Variants in XYLT1 observed in about 807,000 individuals in gnomAD.
XYLT1 encodes the protein xylosyltransferase 1, also known as beta-D-xylosyltransferase 1.
XYLT1 carries 36 observed loss-of-function variants against 91.3 expected under a neutral mutation model. The observed-to-expected ratio is 0.39, with a 90% CI of 0.30 to 0.52. XYLT1 has a LOEUF of 0.52. Among genes scored for constraint, XYLT1 ranks in the 20% least tolerant of loss-of-function variants. XYLT1 has a pLI of 0.68. For synonymous variants in XYLT1, 588 were observed against 532.0 expected, an observed-to-expected ratio of 1.11 and a Z score of -1.45; for missense variants, 1,242 against 1,284.5, an observed-to-expected ratio of 0.97 and a Z score of 0.51.
Position 17,127,823 on chromosome 16 carries a change from T to C in XYLT1, c.2066A>G (p.Tyr689Cys), listed in dbSNP as rs771920618. The C allele has an allele frequency of 3.3e-5, 53 of 1,613,960 alleles. No homozygotes were observed. The highest frequency in any genetic ancestry group is 1.1e-4 in the African/African-American group (8 of 74,898). Residue 689 changes from tyrosine (Y) to cysteine (C), a missense_variant, in exon 10 of 12, where the codon TAC becomes TGC. Physicochemically the swap from Tyr to Cys is radical, Grantham distance 194. This residue lies in a region of XYLT1 where 511 missense variants were observed against 497.0 expected (regional missense o/e 1.03). Transcript: ENST00000261381. Reference protein sequence around the residue: ...PMGHPASVHLYFLADRFQGFL... With the variant: ...PMGHPASVHLCFLADRFQGFL... ...GCCCTGGAAGCGGTCAGCAAGGAAG[T>C]AGAGGTGCACAGATGCTGGGTGGCC...
intron 5 of XYLT1, among the ~76,000 whole-genome samples, chr16:17,188,267 C>T (rs924245944): frequency 3.3e-5 from 5 of 152,140 alleles, no homozygotes; most frequent in South Asian, 2.1e-4. Context: ...GCAGCCAGTA[C>T]GATCTCTCAA....
intron 1 of XYLT1, among the ~76,000 whole-genome samples, chr16:17,396,532 A>G (rs2035889041): frequency 6.6e-6 from 1 of 152,186 alleles, no homozygotes; most frequent in African/African-American, 2.4e-5. Flanking sequence ...GTGGTAGTAG[A>G]CTGCTGATAA....
At chr16:17,221,361 T>C (rs2032964948) in intron 3 of XYLT1, among the ~76,000 whole-genome samples, 1 of 152,184 alleles carries the variant, frequency 6.6e-6, no homozygotes, top group African/African-American at 2.4e-5. Context: ...AAGAGTGTTT[T>C]CGGTTGGTTG....
At chr16:17,381,776 C>T (rs2035683640) in intron 1 of XYLT1, among the ~76,000 whole-genome samples, 2 of 152,154 alleles carry the variant, frequency 1.3e-5, no homozygotes, top group African/African-American at 2.4e-5. Context: ...TAGAAAATGT[C>T]TAACATTTTA....
intron 1 of XYLT1, among the ~76,000 whole-genome samples, chr16:17,359,228 C>T (rs1025978012): frequency 5.3e-5 from 8 of 152,148 alleles, no homozygotes; most frequent in Non-Finnish European, 8.8e-5. Flanking sequence ...ATTTTAGGGC[C>T]CTGAAGTACA....
At chr16:17,181,027 C>T (rs1392222934) in intron 5 of XYLT1, among the ~76,000 whole-genome samples, 1 of 152,100 alleles carries the variant, frequency 6.6e-6, no homozygotes, top group Non-Finnish European at 1.5e-5. Context: ...AAGGAAGTTT[C>T]CCACTTGAAA....
At position 17,102,763 on chromosome 16, in the gene XYLT1, G is replaced by A. The variant is rs1475182635; in HGVS notation, c.*5932C>T. On this transcript the variant is annotated 3_prime_UTR_variant, in exon 12 of 12. Transcript: ENST00000261381. ...TTCTTTTTTTAAAACTTTATTTACAGATTTTTTTTAAAATCAACACATTAC... is the reference window on the plus strand; with the variant it reads ...TTCTTTTTTTAAAACTTTATTTACAAATTTTTTTTAAAATCAACACATTAC... 2.3e-5 allele frequency: 2 copies of A among 86,734 alleles called. No homozygotes were observed. Among genetic ancestry groups the A allele is most frequent in the African/African-American group, 2.4e-4 (2 of 8,358 alleles). 5.4% of individuals were successfully genotyped at this position (86,734 alleles called of 1,614,324 possible). A position where few individuals can be genotyped will look rare whatever the true frequency, so the allele number is the denominator to read the frequency against.
rs144722724 is a variant in XYLT1, at chr16:17,131,512, C to T, written c.2027+2961G>A. Among the ~76,000 whole-genome samples the T allele has an allele frequency of 4.1e-3, 631 of 152,286 alleles. 6 individuals are homozygous for T. The highest frequency in any genetic ancestry group is 0.014 in the African/African-American group (601 of 41,556). ...GACCTCCAGGTTCCCATGGTCAGCC[C>T]ACCCTGCAGGGGGCACACTGAGTGA... On this transcript the variant is annotated intron_variant, in intron 9 of 11. Transcript: ENST00000261381.
At chr16:17,221,953 A>G (rs1185539546) in intron 3 of XYLT1, among the ~76,000 whole-genome samples, 1 of 152,174 alleles carries the variant, frequency 6.6e-6, no homozygotes, top group Non-Finnish European at 1.5e-5. Flanking sequence ...CCGTCCTCCA[A>G]GAGGTGACTT....
chr16:17,138,272 C>G (rs982179265), intron 8 of XYLT1, 83 bp downstream of exon 8: 7 of 1,525,370 alleles, frequency 4.6e-6, no homozygotes, highest in Non-Finnish European at 6.2e-6. Context: ...ATAAGATGAC[C>G]TGCAGGTCTG....
Position 17,134,486 on chromosome 16 carries a change from C to G in XYLT1, c.2014G>C (p.Glu672Gln). The part of the protein sequence containing the change: ...RAETSLHTDG[E>Q]NSCRYYPMGH... Reference sequence around the variant, plus strand: ...TATAGGGCTCACCGGCAGCTGTTCTCCCCATCCGTGTGCAGGGACGTCTCG... The same window carrying G: ...TATAGGGCTCACCGGCAGCTGTTCTGCCCATCCGTGTGCAGGGACGTCTCG... Residue 672 changes from glutamate to glutamine, a missense_variant, in exon 9 of 12, where the codon GAG becomes CAG. Transcript: ENST00000261381. 6.2e-7 allele frequency: 1 copy of G among 1,614,140 alleles called. No homozygotes were observed. Among genetic ancestry groups the G allele is most frequent in the Non-Finnish European group, 8.5e-7 (1 of 1,180,030 alleles).
intron 9 of XYLT1, among the ~76,000 whole-genome samples, chr16:17,128,198 T>C (rs1415929282): frequency 6.6e-6 from 1 of 152,238 alleles, no homozygotes. Context: ...ACACTCATAT[T>C]GATGGATTTC....
intron 2 of XYLT1, among the ~76,000 whole-genome samples, chr16:17,260,364 T>TA (rs1166626874): frequency 6.6e-6 from 1 of 152,188 alleles, no homozygotes; most frequent in African/African-American, 2.4e-5. Context: ...TGCTTCTGCT[T>TA]AAAGCTCATT....
At chr16:17,430,266 G>C (rs1171514928) in intron 1 of XYLT1, among the ~76,000 whole-genome samples, 3 of 152,054 alleles carry the variant, frequency 2.0e-5, no homozygotes. Context: ...CCAGAATCTA[G>C]AACGTTTTGA....
chr16:17,180,456 A>T (rs1165285177), intron 5 of XYLT1, among the ~76,000 whole-genome samples: 1 of 152,178 alleles, frequency 6.6e-6, no homozygotes, highest in Non-Finnish European at 1.5e-5. Flanking sequence ...AGACTGAGAA[A>T]GGGTGGCAAT....
intron 2 of XYLT1, among the ~76,000 whole-genome samples, chr16:17,332,985 G>A (rs1038709766): frequency 1.3e-5 from 2 of 152,148 alleles, no homozygotes; most frequent in African/African-American, 4.8e-5. Context: ...CAGGCAATTA[G>A]AGGCAGAACC....
At chr16:17,171,807 TG>T (rs976153108) in intron 5 of XYLT1, among the ~76,000 whole-genome samples, 2 of 152,232 alleles carry the variant, frequency 1.3e-5, no homozygotes, top group African/African-American at 4.8e-5. Context: ...ACCCCTATAT[TG>T]GGTAAAATTT....
intron 2 of XYLT1, among the ~76,000 whole-genome samples, chr16:17,280,788 G>C (rs950033437): frequency 6.6e-6 from 1 of 152,090 alleles, no homozygotes; most frequent in African/African-American, 2.4e-5. Context: ...TCTCCTTTGC[G>C]TTTGCTTGTG....
chr16:17,260,513 T>TA (rs1425325414), intron 2 of XYLT1, among the ~76,000 whole-genome samples: 2 of 152,102 alleles, frequency 1.3e-5, no homozygotes, highest in Non-Finnish European at 2.9e-5. Context: ...GCATCCCTGC[T>TA]AGTCCTCCTT....
Sources: gnomAD v4.1 joint callset for allele counts (sites outside exome capture counted in the v4.1 genomes callset) on GRCh38, gnomAD v4.1.1 for gene constraint, gnomAD v4.1.1 regional missense constraint, MANE v1.5 for transcripts, NCBI Gene and HGNC (gene_info 2026-07-23, HGNC 2026-07-21) for gene names.